MAGI1: variants seen among roughly 807,000 people sequenced by gnomAD.
The protein encoded by MAGI1 is membrane associated guanylate kinase, WW and PDZ domain containing 1.
Under a neutral mutation model 139.9 loss-of-function variants are expected in MAGI1, and 58 were observed. The observed-to-expected ratio is 0.41, with a 90% CI of 0.34 to 0.52. The LOEUF (loss-of-function observed/expected upper bound fraction) is 0.52. Among genes scored for constraint, MAGI1 ranks in the 20% least tolerant of loss-of-function variants. The pLI is 0.12. For missense variants in MAGI1, 1,874 were observed against 1,901.6 expected (o/e 0.99, Z 0.27); for synonymous variants, 812 against 737.9 (o/e 1.10, Z -1.63).
chr3:65,644,222 G>A (rs987546892), intron 1 of MAGI1, among the ~76,000 whole-genome samples: 9 of 151,950 alleles, frequency 5.9e-5, no homozygotes, highest in Non-Finnish European at 1.2e-4. Flanking sequence ...AACATAATAT[G>A]CAAAATGTCC....
At chr3:65,711,701 T>A (rs2031450166) in intron 1 of MAGI1, among the ~76,000 whole-genome samples, 1 of 152,194 alleles carries the variant, frequency 6.6e-6, no homozygotes, top group African/African-American at 2.4e-5. Context: ...AATGAGCATG[T>A]ATCCAGCAGA....
intron 1 of MAGI1, among the ~76,000 whole-genome samples, chr3:65,896,172 C>T (rs1434542206): frequency 2.0e-5 from 3 of 152,126 alleles, no homozygotes; most frequent in Non-Finnish European, 2.9e-5. Flanking sequence ...TGTTCCCACT[C>T]ACTTTAAATT....
chr3:65,921,443 G>T (rs1385077088), intron 1 of MAGI1, among the ~76,000 whole-genome samples: 1 of 151,782 alleles, frequency 6.6e-6, no homozygotes, highest in Non-Finnish European at 1.5e-5. Flanking sequence ...CGAGTAGCTG[G>T]GACTACAGAT....
At chr3:65,596,330 A>C (rs1353099977) in intron 2 of MAGI1, among the ~76,000 whole-genome samples, 1 of 152,216 alleles carries the variant, frequency 6.6e-6, no homozygotes, top group Non-Finnish European at 1.5e-5. Context: ...TGAAACCCCC[A>C]ACAAATGTGT....
chr3:65,644,962 A>G (rs1199478389), intron 1 of MAGI1, among the ~76,000 whole-genome samples: 2 of 151,044 alleles, frequency 1.3e-5, no homozygotes, highest in Non-Finnish European at 1.5e-5. Context: ...ACACCAGTAC[A>G]CTCCAGCCTG....
intron 2 of MAGI1, among the ~76,000 whole-genome samples, chr3:65,616,556 T>C (rs1006969638): frequency 3.9e-5 from 6 of 152,176 alleles, no homozygotes; most frequent in Non-Finnish European, 7.3e-5. Context: ...TGGAGAGCTA[T>C]TGCTATTGTT....
chr3:65,611,741 T>C (rs528740205), intron 2 of MAGI1, among the ~76,000 whole-genome samples: 1 of 150,454 alleles, frequency 6.6e-6, no homozygotes, highest in Admixed American at 6.6e-5. Context: ...TGTGTATACA[T>C]ACATAGTATA....
intron 1 of MAGI1, among the ~76,000 whole-genome samples, chr3:65,792,552 C>CTAGCTATATAGCTATATAGCTATA (rs1430031408): frequency 1.3e-5 from 2 of 151,812 alleles, no homozygotes; most frequent in Non-Finnish European, 2.9e-5. Context: ...ATTGTTATAG[C>CTAGCTATATAGCTATATAGCTATA]TAGCTATATA....
At chr3:66,001,991 G>A (rs999937983) in intron 1 of MAGI1, among the ~76,000 whole-genome samples, 6 of 152,022 alleles carry the variant, frequency 3.9e-5, no homozygotes, top group African/African-American at 1.2e-4. Context: ...ACCACTTCCC[G>A]CCTCAAGTCT....
chr3:65,862,568 G>A (rs113631035), intron 1 of MAGI1, among the ~76,000 whole-genome samples: 23 of 152,258 alleles, frequency 1.5e-4, no homozygotes, highest in Middle Eastern at 3.4e-3. Context: ...CACATGTAAC[G>A]TGGTGGGACC....
rs77451494 is a variant in MAGI1 at position 65,428,596 on chromosome 3, C to T, written c.2167+924G>A. Among the ~76,000 whole-genome samples, 835 of 152,210 alleles carry T rather than the reference C, an allele frequency of 5.5e-3. 6 individuals are homozygous for T. The highest frequency in any genetic ancestry group is 0.019 in the African/African-American group (793 of 41,538). ...TAATCACATACCTATTCACTTAATA[C>T]CTATTCATTCATAAATACCTAAAAG... On this transcript the variant is annotated intron_variant, in intron 12 of 22. Coordinates refer to ENST00000402939, the MANE Select transcript of MAGI1 (RefSeq NM_001033057.2).
chr3:65,996,902 A>G (rs1397668666), intron 1 of MAGI1, among the ~76,000 whole-genome samples: 1 of 152,242 alleles, frequency 6.6e-6, no homozygotes, highest in Non-Finnish European at 1.5e-5. Context: ...CTTAACAAGC[A>G]ACTCTTGTGG....
chr3:65,515,653 A>T (rs189406502), intron 2 of MAGI1, among the ~76,000 whole-genome samples: 65 of 152,284 alleles, frequency 4.3e-4, no homozygotes, highest in Non-Finnish European at 1.5e-5. Context: ...TCCAGAAATA[A>T]ACCCTATCAA....
chr3:66,006,181 C>T (rs1541855), intron 1 of MAGI1, among the ~76,000 whole-genome samples: 94,241 of 152,024 alleles, frequency 0.62, 29,589 homozygotes, highest in East Asian at 0.73. Context: ...ATTTAGCTGT[C>T]CACCAGACAG....
chr3:66,001,483 T>C (rs924121107), intron 1 of MAGI1, among the ~76,000 whole-genome samples: 3 of 152,082 alleles, frequency 2.0e-5, no homozygotes, highest in African/African-American at 7.2e-5. Context: ...CTCACAGGAC[T>C]CAATAAAAAT....
chr3:65,579,678 T>A (rs1039595999), intron 2 of MAGI1, among the ~76,000 whole-genome samples: 1 of 150,170 alleles, frequency 6.7e-6, no homozygotes, highest in Non-Finnish European at 1.5e-5. Context: ...AAACCCTGTC[T>A]CTACTAAAAA....
chr3:65,730,955 A>T (rs1335792522), intron 1 of MAGI1, among the ~76,000 whole-genome samples: 2 of 146,656 alleles, frequency 1.4e-5, no homozygotes, highest in African/African-American at 5.0e-5. Context: ...CCTCCATTGT[A>T]GTTTTGCCAA....
chr3:65,948,809 C>T (rs950669365), intron 1 of MAGI1, among the ~76,000 whole-genome samples: 1 of 152,250 alleles, frequency 6.6e-6, no homozygotes, highest in African/African-American at 2.4e-5. Context: ...ATTTTAGAAT[C>T]GTAAAATCCT....
At chr3:65,531,614 C>A (rs2078715293) in intron 2 of MAGI1, among the ~76,000 whole-genome samples, 1 of 152,100 alleles carries the variant, frequency 6.6e-6, no homozygotes, top group Admixed American at 6.5e-5. Flanking sequence ...TGTAAATGAA[C>A]CACTGTCCAA....
Sources: gnomAD v4.1 joint callset for allele counts (sites outside exome capture counted in the v4.1 genomes callset) on GRCh38, gnomAD v4.1.1 for gene constraint, MANE v1.5 for transcripts, NCBI Gene and HGNC (gene_info 2026-07-23, HGNC 2026-07-21) for gene names.